The following NCKAP5 variants were observed in gnomAD, a reference collection of about 807,000 sequenced individuals.
NCKAP5 encodes NCK associated protein 5.
NCKAP5 carries 92 observed loss-of-function variants against 167.0 expected under a neutral mutation model. The ratio of observed to expected loss-of-function variants is 0.55; its 90% CI spans 0.47 to 0.66. NCKAP5 has a LOEUF of 0.66. Among genes scored for constraint, NCKAP5 ranks in the 30% least tolerant of loss-of-function variants. The pLI is 0.00. For missense variants in NCKAP5, 2,378 were observed against 2,315.0 expected (o/e 1.03, Z -0.56); for synonymous variants, 891 against 877.4 (o/e 1.02, Z -0.27).
chr2:132,849,119 TAGAC>T (rs141805887), intron 11 of NCKAP5, among the ~76,000 whole-genome samples: 11,941 of 152,166 alleles, frequency 0.078, 929 homozygotes, highest in African/African-American at 0.19. Flanking sequence ...TCTTAATTAA[TAGAC>T]AGGCTTCGCA....
chr2:133,044,172 G>T (rs1280607287), intron 6 of NCKAP5, among the ~76,000 whole-genome samples: 2 of 152,082 alleles, frequency 1.3e-5, no homozygotes, highest in African/African-American at 2.4e-5. Context: ...ATATTTTTAT[G>T]AATCTAAGGT....
chr2:133,037,153 C>T (rs1282610763), intron 6 of NCKAP5, among the ~76,000 whole-genome samples: 4 of 151,940 alleles, frequency 2.6e-5, no homozygotes, highest in Admixed American at 6.6e-5. Context: ...TTGAAGAGGA[C>T]ATCAATAAAT....
chr2:133,509,914 G>A (rs1683339910), intron 3 of NCKAP5, among the ~76,000 whole-genome samples: 2 of 152,152 alleles, frequency 1.3e-5, no homozygotes, highest in East Asian at 1.9e-4. Context: ...AGGAAGGGGC[G>A]TGTTCATAAG....
At chr2:133,662,269 G>A in the NCKAP5 span, among the ~76,000 whole-genome samples, 1 of 152,186 alleles carries the variant, frequency 6.6e-6, no homozygotes, top group South Asian at 2.1e-4. Context: ...CTCTGAAAAA[G>A]CAAATAGTGT....
chr2:132,984,033 G>C (rs912747894), intron 7 of NCKAP5, among the ~76,000 whole-genome samples: 2 of 152,112 alleles, frequency 1.3e-5, no homozygotes, highest in African/African-American at 4.8e-5. Flanking sequence ...GAGGCAGCAG[G>C]ACTGCTTCAG....
At chr2:133,421,986 A>G (rs1203661604) in intron 3 of NCKAP5, among the ~76,000 whole-genome samples, 1 of 152,206 alleles carries the variant, frequency 6.6e-6, no homozygotes, top group African/African-American at 2.4e-5. Context: ...CACCTACTGC[A>G]TTTGGCATTG....
At chr2:132,720,341 A>G (rs1689786133) in intron 19 of NCKAP5, among the ~76,000 whole-genome samples, 1 of 152,246 alleles carries the variant, frequency 6.6e-6, no homozygotes, top group African/African-American at 2.4e-5. Flanking sequence ...GCTAACAACT[A>G]GACTTTCTAA....
At chr2:132,890,697 A>T (rs1300644411) in intron 8 of NCKAP5, among the ~76,000 whole-genome samples, 1 of 152,158 alleles carries the variant, frequency 6.6e-6, no homozygotes, top group East Asian at 1.9e-4. Context: ...ATTCAAACTT[A>T]CGGGGTTTCT....
chr2:133,234,448 G>T (rs2150263962), intron 4 of NCKAP5, among the ~76,000 whole-genome samples: 1 of 152,266 alleles, frequency 6.6e-6, no homozygotes, highest in South Asian at 2.1e-4. Flanking sequence ...TCTGGACCCT[G>T]ACAAGTCTGC....
chr2:132,868,843 C>T, intron 10 of NCKAP5, 93 bp downstream of exon 10: 2 of 852,252 alleles, frequency 2.3e-6, no homozygotes, highest in Admixed American at 3.4e-5. Context: ...AGAAGTATTG[C>T]ATCTATCAAT....
intron 6 of NCKAP5, among the ~76,000 whole-genome samples, chr2:133,008,274 C>T (rs1201467424): frequency 1.3e-5 from 2 of 152,084 alleles, no homozygotes; most frequent in Non-Finnish European, 2.9e-5. Context: ...CTCTCCTTTC[C>T]CTCATGCCAA....
At chr2:132,792,737 A>G (rs1387019082) in intron 12 of NCKAP5, among the ~76,000 whole-genome samples, 1 of 152,106 alleles carries the variant, frequency 6.6e-6, no homozygotes, top group Non-Finnish European at 1.5e-5. Flanking sequence ...ACCTTCTCCC[A>G]AGGTATTGAG....
At chr2:133,158,197 G>A (rs1221695498) in intron 5 of NCKAP5, among the ~76,000 whole-genome samples, 1 of 152,086 alleles carries the variant, frequency 6.6e-6, no homozygotes, top group Non-Finnish European at 1.5e-5. Flanking sequence ...ATCTATTTGA[G>A]GCAAGTGCTG....
At chr2:132,993,553 T>G (rs1573665079) in intron 7 of NCKAP5, among the ~76,000 whole-genome samples, 2 of 152,192 alleles carry the variant, frequency 1.3e-5, no homozygotes, top group East Asian at 3.9e-4. Flanking sequence ...CCAGGAGGAC[T>G]GCATACACCC....
chr2:133,542,437 A>G (rs1004789669), intron 2 of NCKAP5, among the ~76,000 whole-genome samples: 5 of 152,142 alleles, frequency 3.3e-5, no homozygotes, highest in African/African-American at 1.2e-4. Flanking sequence ...AAAATCCACG[A>G]TCATTTGCTT....
At chr2:133,220,218 C>A (rs1167542037) in intron 4 of NCKAP5, among the ~76,000 whole-genome samples, 2 of 152,160 alleles carry the variant, frequency 1.3e-5, no homozygotes, top group African/African-American at 2.4e-5. Flanking sequence ...TGTGGCAAAG[C>A]CAGTAGCTCA....
At chr2:133,440,663 T>C (rs1690779053) in intron 3 of NCKAP5, among the ~76,000 whole-genome samples, 1 of 123,410 alleles carries the variant, frequency 8.1e-6, no homozygotes, top group Admixed American at 1.2e-4. Flanking sequence ...TGAGCAGAGA[T>C]GGCGCCACTG....
chr2:132,978,198 T>A (rs1292897110), intron 7 of NCKAP5, among the ~76,000 whole-genome samples: 2 of 152,156 alleles, frequency 1.3e-5, no homozygotes, highest in Non-Finnish European at 2.9e-5. Flanking sequence ...TCATGCAAAA[T>A]CTCTGTGTTT....
the NCKAP5 span, among the ~76,000 whole-genome samples, chr2:133,637,790 T>A: frequency 6.6e-6 from 1 of 152,108 alleles, no homozygotes; most frequent in Non-Finnish European, 1.5e-5. Flanking sequence ...CGATTAGAGT[T>A]CTAGAAGGCA....
Sources: gnomAD v4.1 joint callset for allele counts (sites outside exome capture counted in the v4.1 genomes callset) on GRCh38, gnomAD v4.1.1 for gene constraint, MANE v1.5 for transcripts, NCBI Gene and HGNC (gene_info 2026-07-23, HGNC 2026-07-21) for gene names.